The following GRIP1 variants were observed in gnomAD, a reference collection of about 807,000 sequenced individuals.
GRIP1 encodes glutamate receptor-interacting protein 1.
A neutral mutation model predicts 129.9 loss-of-function variants in GRIP1; 45 were observed. The ratio of observed to expected loss-of-function variants is 0.35; its 90% CI spans 0.27 to 0.44. The LOEUF is 0.44. Ranked by LOEUF, GRIP1 falls within the 20% of genes least tolerant of loss-of-function variation. GRIP1 has a pLI of 1.00. For synonymous variants in GRIP1, 530 were observed against 520.8 expected, an observed-to-expected ratio of 1.02 and a Z score of -0.24; for missense variants, 1,196 against 1,396.8, an observed-to-expected ratio of 0.86 and a Z score of 2.29.
At chr12:66,932,685 T>C (rs567114228) in intron 1 of GRIP1, among the ~76,000 whole-genome samples, 4 of 152,214 alleles carry the variant, frequency 2.6e-5, no homozygotes, top group Non-Finnish European at 5.9e-5. Flanking sequence ...TTTTTGTTTT[T>C]TTAGATGGAG....
chr12:66,350,968 C>A (rs182267692), intron 24 of GRIP1, among the ~76,000 whole-genome samples: 11 of 152,260 alleles, frequency 7.2e-5, no homozygotes, highest in African/African-American at 2.2e-4. Context: ...GCCTCAACTG[C>A]GATGAGAGTA....
At chr12:66,878,498 A>C (rs2040419962) in intron 1 of GRIP1, among the ~76,000 whole-genome samples, 1 of 151,982 alleles carries the variant, frequency 6.6e-6, no homozygotes, top group South Asian at 2.1e-4. Flanking sequence ...TGGAGTGATG[A>C]TGTTAGGGTG....
intron 11 of GRIP1, among the ~76,000 whole-genome samples, chr12:66,452,281 G>A (rs944010665): frequency 3.9e-5 from 6 of 152,220 alleles, no homozygotes; most frequent in African/African-American, 1.4e-4. Context: ...GGAAAGGGCA[G>A]TAAGATTCCA....
intron 1 of GRIP1, among the ~76,000 whole-genome samples, chr12:66,711,167 A>G (rs942287230): frequency 1.3e-5 from 2 of 151,902 alleles, no homozygotes; most frequent in African/African-American, 4.8e-5. Flanking sequence ...GCTATTAGAA[A>G]AGTCTTTTCA....
rs532017847 is a variant in GRIP1, at chr12:66,586,614, T to C, written c.136+10233A>G. Among the ~76,000 whole-genome samples the C allele has an allele frequency of 2.6e-5, 4 of 152,214 alleles. No individual in the cohort carries two copies. In the South Asian group the frequency reaches 8.3e-4, roughly 31 times the overall value. On this transcript the variant is annotated intron_variant, in intron 2 of 24. Coordinates refer to ENST00000359742, the MANE Select transcript of GRIP1 (RefSeq NM_001366722.1). The stretch of plus-strand genomic sequence containing the variant: ...TCCCCTGTTCCACTGATCCATTTCT[T>C]CCTGGGTTATTTTCTGTTTCAGTAA...
chr12:66,719,303 G>A (rs905332693), intron 1 of GRIP1, among the ~76,000 whole-genome samples: 2 of 152,120 alleles, frequency 1.3e-5, no homozygotes, highest in Non-Finnish European at 2.9e-5. Context: ...TGCACAATGT[G>A]AAAAGAACTT....
At chr12:67,040,984 A>G (rs1254412469) in intron 1 of GRIP1, among the ~76,000 whole-genome samples, 13 of 152,090 alleles carry the variant, frequency 8.5e-5, no homozygotes. Context: ...TTAATGGAAC[A>G]AAAAACTGAC....
chr12:66,394,565 C>T (rs1235003761), intron 16 of GRIP1, among the ~76,000 whole-genome samples: 1 of 152,134 alleles, frequency 6.6e-6, no homozygotes, highest in East Asian at 1.9e-4. Context: ...AGGAACACTG[C>T]CTAATGACTT....
chr12:67,040,031 GA>G (rs551767019), intron 1 of GRIP1, among the ~76,000 whole-genome samples: 4 of 152,014 alleles, frequency 2.6e-5, no homozygotes, highest in Non-Finnish European at 5.9e-5. Context: ...ATTTCTAATT[GA>G]AAAATCTTTC....
chr12:66,753,402 T>C (rs2037189636), intron 1 of GRIP1, among the ~76,000 whole-genome samples: 1 of 152,158 alleles, frequency 6.6e-6, no homozygotes, highest in Non-Finnish European at 1.5e-5. Context: ...AAAGTAACAG[T>C]AGGAAGAATC....
chr12:66,507,465 T>C (rs2060564628), intron 7 of GRIP1, among the ~76,000 whole-genome samples: 1 of 150,708 alleles, frequency 6.6e-6, no homozygotes, highest in Non-Finnish European at 1.5e-5. Context: ...AAGAAATCAA[T>C]AAAGTATGAA....
intron 1 of GRIP1, among the ~76,000 whole-genome samples, chr12:66,619,014 G>C (rs1344246985): frequency 6.6e-6 from 1 of 152,114 alleles, no homozygotes; most frequent in Non-Finnish European, 1.5e-5. Flanking sequence ...CAAATACTCA[G>C]ATAAAAGTGT....
chr12:66,741,511 C>T (rs1445917331), intron 1 of GRIP1, among the ~76,000 whole-genome samples: 2 of 152,178 alleles, frequency 1.3e-5, no homozygotes, highest in African/African-American at 4.8e-5. Flanking sequence ...GCTAGGCCAG[C>T]ACTATCCAGT....
chr12:66,879,029 T>C (rs1566062315), intron 1 of GRIP1, among the ~76,000 whole-genome samples: 1 of 151,922 alleles, frequency 6.6e-6, no homozygotes, highest in Non-Finnish European at 1.5e-5. Flanking sequence ...AGCAGCAGCA[T>C]AATGCATTGC....
At chr12:66,791,242 G>A (rs1262175002) in intron 1 of GRIP1, among the ~76,000 whole-genome samples, 1 of 152,140 alleles carries the variant, frequency 6.6e-6, no homozygotes, top group Non-Finnish European at 1.5e-5. Flanking sequence ...TTGGAAGGTG[G>A]GAGAAGCAGA....
chr12:66,974,474 C>CA (rs1274964060), intron 1 of GRIP1, among the ~76,000 whole-genome samples: 1 of 152,156 alleles, frequency 6.6e-6, no homozygotes, highest in Non-Finnish European at 1.5e-5. Flanking sequence ...GCCTAGCATT[C>CA]ACTATGTAGT....
chr12:67,037,507 A>C (rs1006373541), intron 1 of GRIP1: 2 of 151,988 alleles, frequency 1.3e-5, no homozygotes, highest in African/African-American at 2.4e-5. Context: ...AAAAAAAATA[A>C]ATTATTTAAG....
At chr12:66,924,248 G>T (rs1467252269) in intron 1 of GRIP1, among the ~76,000 whole-genome samples, 1 of 152,202 alleles carries the variant, frequency 6.6e-6, no homozygotes, top group African/African-American at 2.4e-5. Context: ...CTATATTTAA[G>T]TCTATATCAT....
chr12:66,410,986 GA>G (rs1269481043), intron 15 of GRIP1, among the ~76,000 whole-genome samples: 2 of 152,116 alleles, frequency 1.3e-5, no homozygotes, highest in Non-Finnish European at 2.9e-5. Flanking sequence ...TTTATGAATA[GA>G]ACTCTGATCT....
Sources: allele counts gnomAD v4.1 joint callset (sites outside exome capture counted in the v4.1 genomes callset), GRCh38; gene constraint gnomAD v4.1.1; transcripts MANE v1.5; gene names NCBI Gene and HGNC (gene_info 2026-07-23, HGNC 2026-07-21).